PPP1R21: variants seen among roughly 807,000 people sequenced by gnomAD.
PPP1R21 encodes protein phosphatase 1 regulatory subunit 21.
PPP1R21 carries 85 observed loss-of-function variants against 112.8 expected under a neutral mutation model. The observed-to-expected ratio is 0.75, with a 90% CI of 0.63 to 0.90. The LOEUF (loss-of-function observed/expected upper bound fraction) is 0.90, where lower values mean the gene tolerates loss of function less well. Among genes scored for constraint, PPP1R21 ranks in the 40% least tolerant of loss-of-function variants. The pLI is 0.00. For missense variants in PPP1R21, 1,199 were observed against 901.5 expected, an observed-to-expected ratio of 1.33 and a Z score of -4.23; for synonymous variants, 381 against 322.3, an observed-to-expected ratio of 1.18 and a Z score of -1.95.
chr2:48,494,514 C>T (rs999976488), intron 15 of PPP1R21, among the ~76,000 whole-genome samples: 1 of 151,600 alleles, frequency 6.6e-6, no homozygotes, highest in Non-Finnish European at 1.5e-5. Context: ...ACAACCTCCG[C>T]CTCCTGGGTT....
In PPP1R21 at chr2:48,461,181, T is replaced by G. The variant is rs1367150769; in HGVS notation, c.643T>G (p.Leu215Val). 1 of 1,584,612 alleles carries G rather than the reference T, an allele frequency of 6.3e-7. No individual in the cohort carries two copies. The highest frequency in any genetic ancestry group is 8.5e-7 in the Non-Finnish European group (1 of 1,171,214). ...KTLHEDLSGR[L>V]EESLSIINEK... is the part of the protein sequence containing the mutation. ...TCTTCATGAAGATTTGTCAGGTAGATTAGAGGAATCCTTATCAATCATCAA... is the reference window on the plus strand; with the variant it reads ...TCTTCATGAAGATTTGTCAGGTAGAGTAGAGGAATCCTTATCAATCATCAA... The change falls in exon 7 of 22, where the codon TTA becomes GTA. Residue 215 changes from leucine to valine, a missense_variant. Transcript: ENST00000294952.
At chr2:48,497,202 A>G (rs915432258) in intron 16 of PPP1R21, among the ~76,000 whole-genome samples, 3 of 152,194 alleles carry the variant, frequency 2.0e-5, no homozygotes, top group African/African-American at 7.2e-5. Context: ...TGGTGGAATT[A>G]AATGGGAGGA....
rs147386484 is a variant in PPP1R21 at position 48,480,659 on chromosome 2, C to T, written c.1318+643C>T. Among the ~76,000 whole-genome samples the T allele has an allele frequency of 3.3e-3, 504 of 152,052 alleles. 5 individuals are homozygous for T. Among genetic ancestry groups the T allele is most frequent in the African/African-American group, 0.011 (477 of 41,490 alleles). On this transcript the variant is annotated intron_variant, in intron 13 of 21. Transcript: ENST00000294952. Reference sequence around the variant, plus strand: ...GCAATTGCTTCTAGGTTTTTTTTCCCTTTCTTTTCCTTTTAGAGACTGTTG... The same window carrying T: ...GCAATTGCTTCTAGGTTTTTTTTCCTTTTCTTTTCCTTTTAGAGACTGTTG...
At chr2:48,486,792 C>G (rs370214899) in intron 14 of PPP1R21, 34 bp downstream of exon 14, 19 of 1,582,558 alleles carry the variant, frequency 1.2e-5, no homozygotes, top group Admixed American at 1.9e-5. Context: ...GATGTTAAAA[C>G]TCTTAAATAT....
In PPP1R21 at chr2:48,456,252, CT is replaced by C. The variant is rs778594245; in HGVS notation, c.273+1526del. 7.0e-3 allele frequency among the ~76,000 whole-genome samples: 917 copies of C among 130,236 alleles called. 9 individuals are homozygous for C. Among genetic ancestry groups the C allele is most frequent in the African/African-American group, 0.016 (560 of 35,212 alleles). 85.4% of individuals were successfully genotyped at this position (130,236 alleles called of 152,430 possible). A position where few individuals can be genotyped will look rare whatever the true frequency, so the allele number is the denominator to read the frequency against. On this transcript the variant is annotated intron_variant, in intron 3 of 21. Coordinates refer to ENST00000294952, the MANE Select transcript of PPP1R21 (RefSeq NM_001135629.3). The stretch of plus-strand genomic sequence containing the variant: ...ACATTGTGATTAAGAGATTGCTGCT[CT>C]TTTTTTTTTTTTTTAAGGGTAGAAG...
intron 13 of PPP1R21, among the ~76,000 whole-genome samples, chr2:48,481,225 G>A (rs751964210): frequency 6.6e-6 from 1 of 152,190 alleles, no homozygotes; most frequent in Non-Finnish European, 1.5e-5. Flanking sequence ...CTGACATCAG[G>A]TGACCCACCT....
In PPP1R21 at chr2:48,505,544, T is replaced by G; in HGVS notation, c.1936-20T>G. On this transcript the variant is annotated intron_variant, in intron 17 of 21. Transcript: ENST00000294952. Reference sequence around the variant, plus strand: ...AATGTACACATTCTGTTCTAAAAGATTTTTCCCCTTATGTTCTAGATTGGG... The same window carrying G: ...AATGTACACATTCTGTTCTAAAAGAGTTTTCCCCTTATGTTCTAGATTGGG... The G allele has an allele frequency of 6.5e-7, 1 of 1,537,944 alleles. No individual in the cohort carries two copies. The highest frequency in any genetic ancestry group is 1.2e-5 in the South Asian group (1 of 83,788).
rs535978398 is a variant in PPP1R21, at chr2:48,491,098, T to C, written c.1527T>C (p.Ile509=). 3 of 1,614,062 alleles carry C rather than the reference T, an allele frequency of 1.9e-6. No individual in the cohort carries two copies. The highest frequency in any genetic ancestry group is 2.5e-6 in the Non-Finnish European group (3 of 1,180,026). ...SYGPKAASGF[I]SPLSAECMLQ... is the part of the protein sequence containing the mutation. ...GACCTAAGGCAGCGAGTGGATTCAT[T>C]AGTCCTCTTTCAGCTGAATGCATGC... Residue 509 remains isoleucine (I), a synonymous_variant, in exon 15 of 22, where the codon ATT becomes ATC. Coordinates refer to ENST00000294952, the MANE Select transcript of PPP1R21 (RefSeq NM_001135629.3).
Position 48,495,683 on chromosome 2 carries a change from T to G in PPP1R21, c.1604T>G (p.Leu535Arg). Residue 535 changes from leucine (L) to arginine (R), a missense_variant, in exon 16 of 22, where the codon CTC becomes CGC. Coordinates refer to ENST00000294952, the MANE Select transcript of PPP1R21 (RefSeq NM_001135629.3). ...AAYMKSLRKP[L>R]LESVPYEEAL... is the part of the protein sequence containing the mutation. ...CTTATGATGCTTTTATCATAGCCCC[T>G]CTTGGAGTCTGTGCCTTATGAAGAA... 6.3e-7 allele frequency: 1 copy of G among 1,595,632 alleles called. No homozygotes were observed. The highest frequency in any genetic ancestry group is 8.6e-7 in the Non-Finnish European group (1 of 1,163,226).
intron 18 of PPP1R21, among the ~76,000 whole-genome samples, chr2:48,506,926 CG>C (rs1337684717): frequency 7.5e-6 from 1 of 132,884 alleles, no homozygotes; most frequent in Admixed American, 8.6e-5. Flanking sequence ...AGCCTGGTGA[CG>C]GAGTGAGACT....
chr2:48,463,486 G>T (rs1488997968), intron 7 of PPP1R21, among the ~76,000 whole-genome samples: 2 of 152,124 alleles, frequency 1.3e-5, no homozygotes, highest in African/African-American at 4.8e-5. Flanking sequence ...ACAGGGAGTT[G>T]AGGTGAATGG....
At chr2:48,512,703 CTG>C (rs1670696255) in intron 21 of PPP1R21, among the ~76,000 whole-genome samples, 1 of 152,148 alleles carries the variant, frequency 6.6e-6, no homozygotes, top group African/African-American at 2.4e-5. Context: ...GCTTTGGAGG[CTG>C]TCTCTGATGC....
At chr2:48,508,572 G>T (rs1213668239) in intron 19 of PPP1R21, among the ~76,000 whole-genome samples, 1 of 152,188 alleles carries the variant, frequency 6.6e-6, no homozygotes, top group Non-Finnish European at 1.5e-5. Flanking sequence ...AAACTGAATG[G>T]CTAGCAGTGG....
intron 1 of PPP1R21, among the ~76,000 whole-genome samples, chr2:48,449,545 A>G (rs926816122): frequency 1.3e-5 from 2 of 152,188 alleles, no homozygotes; most frequent in African/African-American, 4.8e-5. Flanking sequence ...CTTTTGCTCA[A>G]ACTGTTGAAT....
intron 7 of PPP1R21, 144 bp downstream of exon 7, chr2:48,461,376 C>A: frequency 2.4e-6 from 3 of 1,241,900 alleles, no homozygotes; most frequent in Non-Finnish European, 3.1e-6. Context: ...ATTTGATCAG[C>A]CGTGGTAATC....
intron 9 of PPP1R21, among the ~76,000 whole-genome samples, chr2:48,468,308 C>A (rs1282440488): frequency 1.3e-5 from 2 of 152,272 alleles, no homozygotes; most frequent in East Asian, 1.9e-4. Flanking sequence ...TTATGTCTTA[C>A]ACATAGGAAG....
At chr2:48,471,032 T>TTGA in intron 9 of PPP1R21, 55 bp from the exon 10 acceptor site, 1 of 1,209,766 alleles carries the variant, frequency 8.3e-7, no homozygotes, top group East Asian at 2.4e-5. Context: ...TAGAAATGTG[T>TTGA]TGATGTTTGT....
intron 16 of PPP1R21, among the ~76,000 whole-genome samples, chr2:48,496,214 G>T (rs536544342): frequency 6.6e-6 from 1 of 150,524 alleles, no homozygotes; most frequent in African/African-American, 2.4e-5. Flanking sequence ...CAGAAAAAAA[G>T]GAAAAAAAAA....
intron 11 of PPP1R21, among the ~76,000 whole-genome samples, chr2:48,472,104 G>A (rs1668537294): frequency 6.6e-6 from 1 of 151,822 alleles, no homozygotes; most frequent in Non-Finnish European, 1.5e-5. Context: ...GCCGGGCGTT[G>A]TGGTGCATCC....
Sources: allele counts gnomAD v4.1 joint callset (sites outside exome capture counted in the v4.1 genomes callset), GRCh38; gene constraint gnomAD v4.1.1; transcripts MANE v1.5; gene names NCBI Gene and HGNC (gene_info 2026-07-23, HGNC 2026-07-21).